The following CNOT4 variants were observed in gnomAD, a reference collection of about 807,000 sequenced individuals.
CNOT4 encodes CCR4-NOT transcription complex subunit 4, also known as CCR4-associated factor 4.
In CNOT4, 8 loss-of-function variants were observed where a neutral mutation model predicts 73.8. The ratio of observed to expected loss-of-function variants is 0.11; its 90% CI spans 0.06 to 0.20. The LOEUF is 0.20. CNOT4 is among the 10% of genes least tolerant of loss of function. The pLI is 1.00. For synonymous variants in CNOT4, 293 were observed against 321.1 expected, an observed-to-expected ratio of 0.91 and a Z score of 0.94; for missense variants, 564 against 883.4, an observed-to-expected ratio of 0.64 and a Z score of 4.58.
chr7:135,402,985 G>A (rs1797080283), intron 7 of CNOT4, among the ~76,000 whole-genome samples: 1 of 152,118 alleles, frequency 6.6e-6, no homozygotes, highest in African/African-American at 2.4e-5. Flanking sequence ...TTTCAAGGAT[G>A]GGGGTGGACT....
intron 1 of CNOT4, among the ~76,000 whole-genome samples, chr7:135,453,036 T>C (rs1055578095): frequency 6.6e-6 from 1 of 152,196 alleles, no homozygotes; most frequent in Non-Finnish European, 1.5e-5. Context: ...GGAAAAAGTA[T>C]CTGATAGGGT....
At chr7:135,477,194 T>A (rs1802050249) in intron 1 of CNOT4, among the ~76,000 whole-genome samples, 1 of 151,834 alleles carries the variant, frequency 6.6e-6, no homozygotes, top group Admixed American at 6.6e-5. Context: ...AATACAAAAA[T>A]TAGCCAGGCA....
intron 10 of CNOT4, among the ~76,000 whole-genome samples, chr7:135,384,010 T>C (rs192609623): frequency 2.6e-5 from 4 of 152,314 alleles, no homozygotes; most frequent in African/African-American, 4.8e-5. Flanking sequence ...AAACCACATA[T>C]ATTTCAACTT....
In CNOT4 at chr7:135,368,451, G is replaced by A. The variant is rs143776404; in HGVS notation, c.1628-4385C>T. On this transcript the variant is annotated intron_variant, in intron 10 of 11. Coordinates refer to ENST00000541284, the MANE Select transcript of CNOT4 (RefSeq NM_001190850.2). Reference sequence around the variant, plus strand: ...AAACCATGACCTCTGTTTTCAAGGGGCTAAAAGTCTAGACAGTGGGACAAT... The same window carrying A: ...AAACCATGACCTCTGTTTTCAAGGGACTAAAAGTCTAGACAGTGGGACAAT... Among the ~76,000 whole-genome samples, 139 of 152,240 alleles carry A rather than the reference G, an allele frequency of 9.1e-4. 1 individual carries two copies. In the East Asian group the frequency reaches 0.01, roughly 11 times the overall value.
At chr7:135,472,512 AAAAT>A (rs1801686764) in intron 1 of CNOT4, among the ~76,000 whole-genome samples, 2 of 19,616 alleles carry the variant, frequency 1.0e-4, no homozygotes. Context: ...AAAAAAAAAA[AAAAT>A]ATATATATAT....
chr7:135,464,782 A>G (rs1230267793), intron 1 of CNOT4, among the ~76,000 whole-genome samples: 2 of 151,940 alleles, frequency 1.3e-5, no homozygotes, highest in Non-Finnish European at 2.9e-5. Flanking sequence ...AAATAATTTT[A>G]TAATTCTAAA....
intron 1 of CNOT4, among the ~76,000 whole-genome samples, chr7:135,465,743 AT>A (rs1554440873): frequency 6.7e-5 from 10 of 149,568 alleles, no homozygotes; most frequent in African/African-American, 2.0e-4. Context: ...AAAAAAAAAA[AT>A]TTTTTTTTTT....
At chr7:135,452,803 T>G (rs193022430) in intron 1 of CNOT4, among the ~76,000 whole-genome samples, 14 of 152,206 alleles carry the variant, frequency 9.2e-5, no homozygotes, top group African/African-American at 3.4e-4. Context: ...AGCATCAGTA[T>G]GTTTCCTATC....
intron 1 of CNOT4, among the ~76,000 whole-genome samples, chr7:135,507,430 C>T (rs1378149493): frequency 6.6e-6 from 1 of 152,182 alleles, no homozygotes; most frequent in Non-Finnish European, 1.5e-5. Flanking sequence ...GAAATCTCAG[C>T]TCCCTATTTC....
In CNOT4 at chr7:135,470,116, C is replaced by G. The variant is rs115247880; in HGVS notation, c.-92-31693G>C. On this transcript the variant is annotated intron_variant, in intron 1 of 11. Coordinates refer to ENST00000541284, the MANE Select transcript of CNOT4 (RefSeq NM_001190850.2). ...GGGATTACAGGAGTGAGACACCGTG[C>G]CGAGCCTGGTGTGTTTTTTTGGGGG... 6.7e-3 allele frequency among the ~76,000 whole-genome samples: 1,017 copies of G among 151,730 alleles called. 11 individuals are homozygous for G. Among genetic ancestry groups the G allele is most frequent in the African/African-American group, 0.023 (965 of 41,286 alleles).
chr7:135,457,278 C>G (rs1207297653), intron 1 of CNOT4, among the ~76,000 whole-genome samples: 22 of 151,454 alleles, frequency 1.5e-4, no homozygotes, highest in Admixed American at 1.4e-3. Context: ...TTCAATAATA[C>G]ACAGTGAAAG....
In CNOT4 at chr7:135,510,035, G is replaced by A. The variant is rs1347623185; in HGVS notation, c.-239C>T. The A allele has an allele frequency of 2.5e-5, 10 of 399,036 alleles. No homozygotes were observed. Among genetic ancestry groups the A allele is most frequent in the Non-Finnish European group, 4.4e-5 (10 of 226,170 alleles). 24.7% of individuals were successfully genotyped at this position (399,036 alleles called of 1,614,324 possible). A position where few individuals can be genotyped will look rare whatever the true frequency, so the allele number is the denominator to read the frequency against. ...GTCCGACCTTTACGGCTGAGAGAGA[G>A]ACTCTCAGCTTTCGGTGGGTTCCAC... On this transcript the variant is annotated 5_prime_UTR_variant, in exon 1 of 12. Coordinates refer to ENST00000541284, the MANE Select transcript of CNOT4 (RefSeq NM_001190850.2).
intron 2 of CNOT4, among the ~76,000 whole-genome samples, chr7:135,428,777 T>C (rs1468620121): frequency 6.6e-6 from 1 of 152,148 alleles, no homozygotes; most frequent in Non-Finnish European, 1.5e-5. Flanking sequence ...AAAGGTTGTA[T>C]CTGAAGAGAT....
At chr7:135,398,605 C>T (rs1796831884) in intron 7 of CNOT4, among the ~76,000 whole-genome samples, 1 of 151,962 alleles carries the variant, frequency 6.6e-6, no homozygotes, top group African/African-American at 2.4e-5. Flanking sequence ...CACTTCTGTT[C>T]CCAAGAGTTT....
chr7:135,482,790 G>T (rs971266544), intron 1 of CNOT4, among the ~76,000 whole-genome samples: 6 of 151,786 alleles, frequency 4.0e-5, no homozygotes, highest in Admixed American at 3.9e-4. Context: ...AGACCAGCCT[G>T]GCCAACGTGG....
intron 1 of CNOT4, among the ~76,000 whole-genome samples, chr7:135,497,211 C>G (rs1364311165): frequency 6.6e-6 from 1 of 151,810 alleles, no homozygotes; most frequent in Non-Finnish European, 1.5e-5. Flanking sequence ...AGCTCAAGAC[C>G]AGCCCGGCCA....
intron 2 of CNOT4, among the ~76,000 whole-genome samples, chr7:135,433,389 C>G (rs1251856201): frequency 8.0e-6 from 1 of 124,404 alleles, no homozygotes; most frequent in Non-Finnish European, 1.6e-5. Flanking sequence ...TAGTATCTTG[C>G]TCTATCACCC....
chr7:135,487,870 G>A (rs752202874), intron 1 of CNOT4, among the ~76,000 whole-genome samples: 4 of 152,096 alleles, frequency 2.6e-5, no homozygotes, highest in African/African-American at 4.8e-5. Flanking sequence ...TGGCTAACAC[G>A]GTGAAACCTC....
chr7:135,477,140 G>A (rs1399944349), intron 1 of CNOT4, among the ~76,000 whole-genome samples: 1 of 151,910 alleles, frequency 6.6e-6, no homozygotes, highest in African/African-American at 2.4e-5. Flanking sequence ...TCAGGAGTTC[G>A]AGGCCAGCCT....
Sources: gnomAD v4.1 joint callset for allele counts (sites outside exome capture counted in the v4.1 genomes callset) on GRCh38, gnomAD v4.1.1 for gene constraint, MANE v1.5 for transcripts, NCBI Gene and HGNC (gene_info 2026-07-23, HGNC 2026-07-21) for gene names.